SLC35F3: variants seen among roughly 807,000 people sequenced by gnomAD.
The protein encoded by SLC35F3 is putative thiamine transporter SLC35F3.
SLC35F3 carries 25 observed loss-of-function variants against 49.9 expected under a neutral mutation model. That is an observed-to-expected ratio of 0.50 (90% CI 0.37 to 0.70). The LOEUF is 0.70. SLC35F3 is among the 30% of genes least tolerant of loss of function. The pLI, the probability that SLC35F3 is intolerant of heterozygous loss-of-function variation, is 0.00. For missense variants in SLC35F3, 525 were observed against 639.8 expected (o/e 0.82, Z 1.94); for synonymous variants, 275 against 265.4 (o/e 1.04, Z -0.35).
chr1:234,249,977 G>A (rs376923466), intron 3 of SLC35F3, among the ~76,000 whole-genome samples: 4 of 152,288 alleles, frequency 2.6e-5, no homozygotes, highest in South Asian at 4.2e-4. Context: ...GGAACCCTCC[G>A]AGGGAGTATA....
chr1:234,231,444 G>A lies in SLC35F3; in HGVS notation c.311G>A (p.Gly104Asp), dbSNP rs773808904. The A allele has an allele frequency of 1.2e-6, 2 of 1,600,878 alleles. No homozygotes were observed. Among genetic ancestry groups the A allele is most frequent in the Non-Finnish European group, 1.7e-6 (2 of 1,173,878 alleles). The change falls in exon 3 of 8, where the codon GGC (glycine) becomes GAC (aspartate). Residue 104 changes from glycine to aspartate, a missense_variant. By Grantham distance (94) the Gly-to-Asp change is moderately conservative. Around this residue, in one of 4 missense-constraint regions of SLC35F3, gnomAD observed 228 missense variants for 218.9 expected, o/e 1.04. Transcript: ENST00000366618. This position sits in a 1 kb window ranked among gnomAD's most constrained non-coding sequence, Gnocchi z 5.4. The part of the protein sequence containing the change: ...KREERPRDSP[G>D]PAEAQAPAGV... ...GAGGAGCGCCCCCGGGACTCCCCGG[G>A]CCCGGCGGAGGCCCAGGCACCGGCC...
At chr1:234,000,530 C>G (rs1047770865) in intron 2 of SLC35F3, among the ~76,000 whole-genome samples, 2 of 152,126 alleles carry the variant, frequency 1.3e-5, no homozygotes, top group African/African-American at 4.8e-5. Context: ...CTCATCATAT[C>G]CAACAGAGAG....
intron 2 of SLC35F3, among the ~76,000 whole-genome samples, chr1:234,189,136 G>A (rs1666692555): frequency 6.6e-6 from 1 of 151,432 alleles, no homozygotes; most frequent in South Asian, 2.1e-4. Flanking sequence ...CTGGCAATAT[G>A]ACAAAACAAG....
chr1:233,973,595 T>A (rs1312353251), intron 2 of SLC35F3, among the ~76,000 whole-genome samples: 1 of 152,178 alleles, frequency 6.6e-6, no homozygotes, highest in Admixed American at 6.5e-5. Flanking sequence ...ATGAGTTAGA[T>A]GAGAGGCTGA....
At chr1:234,197,974 G>T (rs1666840517) in intron 2 of SLC35F3, among the ~76,000 whole-genome samples, 1 of 152,184 alleles carries the variant, frequency 6.6e-6, no homozygotes. Context: ...ACAAACTCTG[G>T]TCATAATTAG....
intron 3 of SLC35F3, among the ~76,000 whole-genome samples, chr1:234,271,926 A>T (rs1254829992): frequency 6.6e-6 from 1 of 152,160 alleles, no homozygotes; most frequent in East Asian, 1.9e-4. Flanking sequence ...GGAGTTCAAG[A>T]CCAGCCTGGA....
At chr1:234,247,898 G>T (rs948614016) in intron 3 of SLC35F3, among the ~76,000 whole-genome samples, 3 of 152,086 alleles carry the variant, frequency 2.0e-5, no homozygotes, top group East Asian at 3.9e-4. Context: ...TCCGTTGTTT[G>T]GTGGGTAGGT....
intron 2 of SLC35F3, among the ~76,000 whole-genome samples, chr1:234,101,047 G>A (rs1325434904): frequency 6.6e-6 from 1 of 151,810 alleles, no homozygotes; most frequent in Non-Finnish European, 1.5e-5. Flanking sequence ...CTACCAGATG[G>A]CCTCCTCCCA....
At chr1:234,028,022 C>T (rs1470861544) in intron 2 of SLC35F3, among the ~76,000 whole-genome samples, 3 of 152,052 alleles carry the variant, frequency 2.0e-5, no homozygotes, top group Admixed American at 6.6e-5. Context: ...TTAATAAATT[C>T]GGGTAAAACT....
intron 2 of SLC35F3, among the ~76,000 whole-genome samples, chr1:234,177,273 T>G (rs1666490263): frequency 6.6e-6 from 1 of 152,206 alleles, no homozygotes; most frequent in African/African-American, 2.4e-5. Flanking sequence ...GTGAGTCCAA[T>G]TAAACCTCTT....
chr1:234,025,130 T>C (rs1663958236), intron 2 of SLC35F3, among the ~76,000 whole-genome samples: 1 of 152,252 alleles, frequency 6.6e-6, no homozygotes. Flanking sequence ...CACATTCATG[T>C]TGGTGCAAAG....
intron 3 of SLC35F3, among the ~76,000 whole-genome samples, chr1:234,240,182 G>C (rs536847782): frequency 4.0e-4 from 61 of 152,286 alleles, no homozygotes; most frequent in Non-Finnish European, 6.8e-4. Flanking sequence ...AAATGATGAG[G>C]GGGAGGGCTG....
rs548633368 is a variant in SLC35F3 at position 234,097,544 on chromosome 1, G to A, written c.284-133873G>A. Among the ~76,000 whole-genome samples, 18 of 152,028 alleles carry A rather than the reference G, an allele frequency of 1.2e-4. No individual in the cohort carries two copies. The East Asian group carries it at 2.7e-3, about 23-fold the overall frequency. On this transcript the variant is annotated intron_variant, in intron 2 of 7. Coordinates refer to ENST00000366618, the MANE Select transcript of SLC35F3 (RefSeq NM_173508.4). ...AACCAAAGTCTACACACACATACAC[G>A]CACACACACGCACACACGCACATTA...
chr1:234,088,367 G>A (rs1198212569), intron 2 of SLC35F3, among the ~76,000 whole-genome samples: 2 of 152,000 alleles, frequency 1.3e-5, no homozygotes, highest in South Asian at 2.1e-4. Flanking sequence ...ACAACCATGC[G>A]CAGCTAATTT....
chr1:234,144,736 G>A (rs1324766200), intron 2 of SLC35F3, among the ~76,000 whole-genome samples: 4 of 152,098 alleles, frequency 2.6e-5, no homozygotes, highest in Admixed American at 2.6e-4. Context: ...ATAAATCAGG[G>A]CCCCCTTTCT....
chr1:234,151,368 A>G (rs1016445204), intron 2 of SLC35F3, among the ~76,000 whole-genome samples: 1 of 152,132 alleles, frequency 6.6e-6, no homozygotes, highest in African/African-American at 2.4e-5. Flanking sequence ...GAGCATGAGA[A>G]AAATATTAAA....
chr1:233,975,992 AATAAG>A (rs1663073957), intron 2 of SLC35F3, among the ~76,000 whole-genome samples: 1 of 152,236 alleles, frequency 6.6e-6, no homozygotes, highest in Non-Finnish European at 1.5e-5. Context: ...AAGAGGAAGA[AATAAG>A]ATAATCCTGA....
At chr1:234,068,313 T>G (rs1037526266) in intron 2 of SLC35F3, among the ~76,000 whole-genome samples, 1 of 152,194 alleles carries the variant, frequency 6.6e-6, no homozygotes, top group East Asian at 1.9e-4. Flanking sequence ...GGTTTATGGC[T>G]TCCTCTTGAA....
chr1:234,030,376 C>T (rs1664043899), intron 2 of SLC35F3, among the ~76,000 whole-genome samples: 1 of 152,184 alleles, frequency 6.6e-6, no homozygotes, highest in South Asian at 2.1e-4. Context: ...AATATGCCCA[C>T]AGGTGCTCAC....
Sources: gnomAD v4.1 joint callset for allele counts (sites outside exome capture counted in the v4.1 genomes callset) on GRCh38, gnomAD v4.1.1 for gene constraint, gnomAD v4.1.1 regional missense constraint, Gnocchi (gnomAD v3.1) non-coding constraint, MANE v1.5 for transcripts, NCBI Gene and HGNC (gene_info 2026-07-23, HGNC 2026-07-21) for gene names.